Variants in DPYD observed in about 807,000 individuals in gnomAD.
DPYD encodes dihydropyrimidine dehydrogenase [NADP(+)].
DPYD carries 109 observed loss-of-function variants against 116.2 expected under a neutral mutation model. The observed-to-expected ratio is 0.94, with a 90% CI of 0.80 to 1.10. The LOEUF is 1.10. DPYD is among the 50% of genes least tolerant of loss of function. The probability of loss-of-function intolerance (pLI) is 0.00; values close to 1 mark genes in which losing one functional copy is unlikely to be tolerated. For missense variants in DPYD, 1,302 were observed against 1,254.5 expected, an observed-to-expected ratio of 1.04 and a Z score of -0.57; for synonymous variants, 440 against 432.0, an observed-to-expected ratio of 1.02 and a Z score of -0.23.
intron 3 of DPYD, among the ~76,000 whole-genome samples, chr1:97,800,073 G>C (rs1667773611): frequency 6.6e-6 from 1 of 151,746 alleles, no homozygotes; most frequent in Admixed American, 6.6e-5. Context: ...TTTATTTTTT[G>C]TATAAAGGTA....
At chr1:97,272,286 T>C (rs1303845779) in intron 18 of DPYD, among the ~76,000 whole-genome samples, 1 of 152,218 alleles carries the variant, frequency 6.6e-6, no homozygotes, top group Admixed American at 6.5e-5. Context: ...TTAGCTATTC[T>C]GTTGCTTCTA....
At chr1:97,788,007 A>T (rs534555119) in intron 3 of DPYD, among the ~76,000 whole-genome samples, 1 of 152,212 alleles carries the variant, frequency 6.6e-6, no homozygotes, top group Non-Finnish European at 1.5e-5. Context: ...TTTATTTGTA[A>T]TAAGTGGCAG....
intron 21 of DPYD, among the ~76,000 whole-genome samples, chr1:97,084,484 C>T (rs1237200778): frequency 1.3e-5 from 2 of 151,936 alleles, no homozygotes; most frequent in Admixed American, 1.3e-4. Flanking sequence ...CCTCTCTCCT[C>T]CATATCCTCT....
intron 7 of DPYD, among the ~76,000 whole-genome samples, chr1:97,685,206 T>C (rs1484736187): frequency 6.6e-6 from 1 of 152,122 alleles, no homozygotes; most frequent in Non-Finnish European, 1.5e-5. Flanking sequence ...AATTAATAAA[T>C]GTAACTCATC....
At chr1:97,679,992 C>A (rs1660349464) in intron 7 of DPYD, among the ~76,000 whole-genome samples, 1 of 152,078 alleles carries the variant, frequency 6.6e-6, no homozygotes, top group African/African-American at 2.4e-5. Context: ...AGCACTGGTT[C>A]TTCAGTAATA....
intron 8 of DPYD, among the ~76,000 whole-genome samples, chr1:97,617,599 G>C (rs1221063247): frequency 2.6e-5 from 4 of 152,132 alleles, no homozygotes; most frequent in Non-Finnish European, 5.9e-5. Context: ...ATGAACTAGG[G>C]ATACCTACAA....
At chr1:97,866,094 A>G (rs1452434282) in intron 2 of DPYD, among the ~76,000 whole-genome samples, 3 of 152,004 alleles carry the variant, frequency 2.0e-5, no homozygotes, top group Non-Finnish European at 2.9e-5. Flanking sequence ...CCACAGACAG[A>G]TAACTTCCTT....
chr1:97,648,859 T>C (rs1658415528), intron 8 of DPYD, among the ~76,000 whole-genome samples: 2 of 152,066 alleles, frequency 1.3e-5, no homozygotes, highest in South Asian at 4.1e-4. Flanking sequence ...AGAAACTATG[T>C]ATAAGCATAC....
intron 3 of DPYD, among the ~76,000 whole-genome samples, chr1:97,810,783 T>A (rs1422188085): frequency 1.3e-5 from 2 of 152,166 alleles, no homozygotes; most frequent in African/African-American, 4.8e-5. Context: ...GTGATATATC[T>A]CAAAAGCTTA....
chr1:97,441,414 G>A (rs1675788498), intron 14 of DPYD, among the ~76,000 whole-genome samples: 1 of 151,906 alleles, frequency 6.6e-6, no homozygotes, highest in African/African-American at 2.4e-5. Context: ...GTGTGTGTGT[G>A]CGTTTCATTT....
chr1:97,424,447 C>T (rs752021856), intron 14 of DPYD, among the ~76,000 whole-genome samples: 4 of 152,036 alleles, frequency 2.6e-5, no homozygotes, highest in African/African-American at 4.8e-5. Flanking sequence ...GACACAGAAG[C>T]ACAGTGTGAA....
intron 15 of DPYD, among the ~76,000 whole-genome samples, chr1:97,377,757 G>C (rs951773966): frequency 1.3e-5 from 2 of 152,166 alleles, no homozygotes; most frequent in Non-Finnish European, 1.5e-5. Flanking sequence ...AAAGTCACTG[G>C]TCAGGCAGGG....
chr1:97,737,726 G>A (rs1374327369), intron 4 of DPYD, among the ~76,000 whole-genome samples: 2 of 151,976 alleles, frequency 1.3e-5, no homozygotes, highest in Non-Finnish European at 2.9e-5. Context: ...TTGTGTGTGT[G>A]TGTACAATAT....
chr1:97,754,148 C>T (rs1353791304), intron 3 of DPYD, among the ~76,000 whole-genome samples: 1 of 152,048 alleles, frequency 6.6e-6, no homozygotes, highest in Non-Finnish European at 1.5e-5. Context: ...AATGTTTAAT[C>T]TTCTCAGTTT....
intron 8 of DPYD, among the ~76,000 whole-genome samples, chr1:97,670,522 A>T (rs999363096): frequency 6.6e-6 from 1 of 152,180 alleles, no homozygotes; most frequent in Non-Finnish European, 1.5e-5. Flanking sequence ...AGCCAGGAAG[A>T]GGGCCTTCAC....
Position 97,079,090 on chromosome 1 carries a change from G to C in DPYD, c.2964C>G (p.Gly988=). The change falls in exon 23 of 23, where the codon GGC becomes GGG. Residue 988 remains glycine, a synonymous_variant. Coordinates refer to ENST00000370192, the MANE Select transcript of DPYD (RefSeq NM_000110.4). ...GGCAAACACTGAGACACAGAGTACAGCCTGTACAAGTGTCGGTTATGGTGG... is the reference window on the plus strand; with the variant it reads ...GGCAAACACTGAGACACAGAGTACACCCTGTACAAGTGTCGGTTATGGTGG... ...HLPTITDTCT[G]CTLCLSVCPI... is the part of the protein sequence containing the mutation. 1 of 1,613,754 alleles carries C rather than the reference G, an allele frequency of 6.2e-7. No individual in the cohort carries two copies. Among genetic ancestry groups the C allele is most frequent in the Non-Finnish European group, 8.5e-7 (1 of 1,179,734 alleles).
intron 20 of DPYD, among the ~76,000 whole-genome samples, chr1:97,157,479 C>T (rs944549442): frequency 1.3e-5 from 2 of 152,018 alleles, no homozygotes; most frequent in Admixed American, 6.6e-5. Context: ...GGTTTTATTA[C>T]CGACCCCTGA....
At chr1:97,720,866 A>T in intron 5 of DPYD, 1 of 1,608,880 alleles carries the variant, frequency 6.2e-7, no homozygotes, top group Non-Finnish European at 8.5e-7. Context: ...AGAGCCCAAG[A>T]GTGTCTGAAG....
intron 14 of DPYD, among the ~76,000 whole-genome samples, chr1:97,383,367 C>T (rs952148106): frequency 6.6e-6 from 1 of 151,160 alleles, no homozygotes; most frequent in African/African-American, 2.4e-5. Context: ...ATTCCAGCTA[C>T]TCGGGAGGCA....
Sources: allele counts gnomAD v4.1 joint callset (sites outside exome capture counted in the v4.1 genomes callset), GRCh38; gene constraint gnomAD v4.1.1; transcripts MANE v1.5; gene names NCBI Gene and HGNC (gene_info 2026-07-23, HGNC 2026-07-21).